Variants in IFI16 observed in about 807,000 individuals in gnomAD.
IFI16 encodes gamma-interferon-inducible protein 16.
Under a neutral mutation model 68.4 loss-of-function variants are expected in IFI16, and 49 were observed. The observed-to-expected ratio is 0.72, with a 90% CI of 0.57 to 0.91. The LOEUF is 0.91. IFI16 is among the 40% of genes least tolerant of loss of function. IFI16 has a pLI of 0.00. For synonymous variants in IFI16, 307 were observed against 315.0 expected (o/e 0.97, Z 0.27); for missense variants, 878 against 942.9 (o/e 0.93, Z 0.90).
At chr1:159,053,137 C>CGCCGTA in intron 10 of IFI16, 2 of 156,830 alleles carry the variant, frequency 1.3e-5, no homozygotes, top group Admixed American at 6.4e-5. Flanking sequence ...AACATTCTTT[C>CGCCGTA]TCAAACTTAC....
intron 4 of IFI16, among the ~76,000 whole-genome samples, chr1:159,017,653 G>A (rs187038731): frequency 1.5e-3 from 227 of 152,076 alleles, no homozygotes; most frequent in Middle Eastern, 3.4e-3. Context: ...TGTCACCCAG[G>A]CTGAAGTGCC....
At chr1:159,030,776 G>A (rs1014718922) in intron 6 of IFI16, among the ~76,000 whole-genome samples, 1 of 151,760 alleles carries the variant, frequency 6.6e-6, no homozygotes, top group African/African-American at 2.4e-5. Flanking sequence ...CCAGCCAGGA[G>A]GTGGAGCTTT....
chr1:159,021,088 T>C (rs1470142105), intron 6 of IFI16, among the ~76,000 whole-genome samples: 3 of 152,212 alleles, frequency 2.0e-5, no homozygotes, highest in Non-Finnish European at 4.4e-5. Flanking sequence ...CCATTTTGAA[T>C]GTTGTAAATT....
At chr1:159,043,025 C>T (rs566512261) in intron 7 of IFI16, among the ~76,000 whole-genome samples, 49 of 152,330 alleles carry the variant, frequency 3.2e-4, no homozygotes, top group Middle Eastern at 3.4e-3. Flanking sequence ...AAGCTGCCCC[C>T]GGCCCAGGTT....
At chr1:159,051,639 T>C (rs1238741058) in intron 9 of IFI16, 40 bp from the exon 10 acceptor site, 2 of 1,521,944 alleles carry the variant, frequency 1.3e-6, no homozygotes, top group Non-Finnish European at 1.8e-6. Flanking sequence ...CTGTTTTTCC[T>C]GTTTTAATTG....
intron 7 of IFI16, among the ~76,000 whole-genome samples, chr1:159,041,308 T>A (rs1412282522): frequency 2.6e-5 from 4 of 152,226 alleles, no homozygotes; most frequent in African/African-American, 7.2e-5. Flanking sequence ...ATTCCCCAGG[T>A]GGAACGTGGA....
rs1366643635 is a variant in IFI16, at chr1:159,053,619, A to G, written c.2172A>G (p.Thr724=). The G allele has an allele frequency of 6.2e-7, 1 of 1,613,932 alleles. No individual in the cohort carries two copies. The highest frequency in any genetic ancestry group is 1.7e-5 in the Admixed American group (1 of 60,022). ...TGGTGGTGCATGGACGACTGACCAC[A>G]ATCAACTGTGAGGAAGGAGATAAAC... is the stretch of plus-strand genomic sequence containing the variant. The part of the protein sequence containing the change: ...MEVVVHGRLT[T]INCEEGDKLK... Residue 724 remains threonine, a synonymous_variant, in exon 11 of 12, where the codon ACA becomes ACG. Transcript: ENST00000295809.
rs1244739676 is a variant in IFI16, at chr1:159,048,802, G to A, written c.1498-630G>A. On this transcript the variant is annotated intron_variant, in intron 8 of 11. Transcript: ENST00000295809. ...TTAGAGATATTCTCCAGTCTTACTT[G>A]AAAAATGTATAAAAATATAGCTAAT... Among the ~76,000 whole-genome samples, 4 of 151,576 alleles carry A rather than the reference G, an allele frequency of 2.6e-5. No homozygotes were observed. In the East Asian group the frequency reaches 7.7e-4, roughly 29 times the overall value.
chr1:159,045,223 A>G (rs1654904079), intron 7 of IFI16, 74 bp from the exon 8 acceptor site: 1 of 744,574 alleles, frequency 1.3e-6, no homozygotes, highest in Admixed American at 3.0e-5. Flanking sequence ...AAAAGAAAAA[A>G]GGAAAAGATG....
At chr1:159,001,561 A>T (rs973808921), upstream of IFI16, among the ~76,000 whole-genome samples, 5 of 152,204 alleles carry the variant, frequency 3.3e-5, no homozygotes, top group Admixed American at 1.3e-4. Flanking sequence ...TCAAATACTT[A>T]AAATGATTAA....
In IFI16 at chr1:159,000,792, G is replaced by T. The variant is rs181852116; in HGVS notation, c.-180+397G>T. ...ATTCCCAGTGTTGGAGGTGGGGCTT[G>T]ACGGGAAGTGCTTGGCTCATGGGGG... On this transcript the variant is annotated intron_variant, in intron 1 of 2. Transcript: ENST00000566111. Among the ~76,000 whole-genome samples the T allele has an allele frequency of 2.6e-5, 4 of 152,306 alleles. No homozygotes were observed. The East Asian group carries it at 7.7e-4, about 29-fold the overall frequency.
At chr1:159,005,920 C>G (rs1163978866), upstream of IFI16, 2 of 152,754 alleles carry the variant, frequency 1.3e-5, no homozygotes, top group Non-Finnish European at 2.9e-5. Context: ...CTATCCCCAC[C>G]CCTCAGCGCC....
chr1:159,025,450 G>A (rs898457561), intron 6 of IFI16, among the ~76,000 whole-genome samples: 3 of 151,812 alleles, frequency 2.0e-5, no homozygotes, highest in African/African-American at 7.3e-5. Flanking sequence ...GTAAAATATT[G>A]TAGACATTAT....
rs111907999 is a variant in IFI16 at position 159,017,041 on chromosome 1, C to CT, written c.549+342dup. Among the ~76,000 whole-genome samples the CT allele has an allele frequency of 2.4e-3, 361 of 152,300 alleles. 2 individuals carry two copies. Among genetic ancestry groups the CT allele is most frequent in the Middle Eastern group, 0.01 (3 of 294 alleles). On this transcript the variant is annotated intron_variant, in intron 4 of 11. Transcript: ENST00000295809. Reference sequence around the variant, plus strand: ...ATTCCATGTCAGACCTCTCCAGCACCTGCTAGTTTGTGAATGAGGTTATCC... The same window carrying CT: ...ATTCCATGTCAGACCTCTCCAGCACCTTGCTAGTTTGTGAATGAGGTTATCC...
At position 159,049,521 on chromosome 1, in the gene IFI16, C is replaced by A; in HGVS notation, c.1587C>A (p.Thr529=). 1 of 1,604,252 alleles carries A rather than the reference C, an allele frequency of 6.2e-7. No individual in the cohort carries two copies. Among genetic ancestry groups the A allele is most frequent in the Non-Finnish European group, 8.5e-7 (1 of 1,174,268 alleles). ...GTCATTTTCCAGGACCGTTCATGAC[C>A]AGCATAGGCCCAGCTGAGAGCCATC... ...EGSHFPGPFM[T]SIGPAESHPH... is the part of the protein sequence containing the mutation. Residue 529 remains threonine (T), a synonymous_variant, in exon 9 of 12, where the codon ACC becomes ACA. Transcript: ENST00000295809.
At chr1:159,003,850 C>T (rs1652152084), upstream of IFI16, among the ~76,000 whole-genome samples, 3 of 151,750 alleles carry the variant, frequency 2.0e-5, 1 homozygote, top group African/African-American at 4.8e-5. Context: ...TTAGTAGAGA[C>T]GGGGTTTCAC....
intron 7 of IFI16, among the ~76,000 whole-genome samples, chr1:159,042,521 T>C (rs1228200351): frequency 2.6e-5 from 4 of 152,216 alleles, no homozygotes; most frequent in African/African-American, 9.6e-5. Flanking sequence ...TGGATACTTC[T>C]TTTGATGTCA....
intron 1 of IFI16, among the ~76,000 whole-genome samples, chr1:159,000,613 A>G (rs1001814147): frequency 2.0e-5 from 3 of 152,218 alleles, no homozygotes; most frequent in African/African-American, 7.2e-5. Context: ...ACTGACATAC[A>G]ACACAATGCA....
Position 159,020,403 on chromosome 1 carries a change from A to C in IFI16, c.1035A>C (p.Val345=). 6.2e-7 allele frequency: 1 copy of C among 1,613,014 alleles called. No individual in the cohort carries two copies. Among genetic ancestry groups the C allele is most frequent in the East Asian group, 2.2e-5 (1 of 44,856 alleles). ...EIQDDRGKMD[V]VGTGQCHNIP... ...AGGATGATAGAGGAAAAATGGATGTAGTGGGGACAGGACAATGTCACAATA... is the reference window on the plus strand; with the variant it reads ...AGGATGATAGAGGAAAAATGGATGTCGTGGGGACAGGACAATGTCACAATA... The change falls in exon 6 of 12, where the codon GTA becomes GTC. Residue 345 remains valine, a synonymous_variant. Coordinates refer to ENST00000295809, the MANE Select transcript of IFI16 (RefSeq NM_001376587.1).
Sources: allele counts gnomAD v4.1 joint callset (sites outside exome capture counted in the v4.1 genomes callset), GRCh38; gene constraint gnomAD v4.1.1; transcripts MANE v1.5; gene names NCBI Gene and HGNC (gene_info 2026-07-23, HGNC 2026-07-21).